SLC12A5: variants seen among roughly 807,000 people sequenced by gnomAD.
The protein encoded by SLC12A5 is K-Cl cotransporter 2.
In SLC12A5, 18 loss-of-function variants were observed where a neutral mutation model predicts 124.0. That is an observed-to-expected ratio of 0.15 (90% confidence interval 0.10 to 0.22). The LOEUF (loss-of-function observed/expected upper bound fraction) is 0.22, where lower values mean the gene tolerates loss of function less well. SLC12A5 is among the 10% of genes least tolerant of loss of function. SLC12A5 has a pLI of 1.00. For synonymous variants in SLC12A5, 589 were observed against 568.0 expected, an observed-to-expected ratio of 1.04 and a Z score of -0.53; for missense variants, 867 against 1,478.7, an observed-to-expected ratio of 0.59 and a Z score of 6.78.
At chr20:46,039,604 G>A (rs1291428140) in intron 6 of SLC12A5, among the ~76,000 whole-genome samples, 1 of 151,944 alleles carries the variant, frequency 6.6e-6, no homozygotes, top group East Asian at 1.9e-4. Flanking sequence ...GTGAAACCCC[G>A]TCTCTACTAA....
intron 13 of SLC12A5, 50 bp downstream of exon 13, chr20:46,046,046 T>A: frequency 6.4e-7 from 1 of 1,552,170 alleles, no homozygotes; most frequent in Non-Finnish European, 8.9e-7. Flanking sequence ...TGTTTCTCTA[T>A]CTGAATCCTG....
chr20:46,037,168 C>A, intron 5 of SLC12A5, 87 bp from the exon 6 acceptor site: 1 of 1,501,450 alleles, frequency 6.7e-7, no homozygotes. Context: ...GAGCAACCCC[C>A]TTCTGCCTCT....
upstream of SLC12A5, among the ~76,000 whole-genome samples, chr20:46,028,181 C>A (rs2084415035): frequency 6.6e-6 from 1 of 152,176 alleles, no homozygotes; most frequent in African/African-American, 2.4e-5. Flanking sequence ...CATGTCGGCT[C>A]TGGAAGCCTC....
chr20:46,030,962 G>A (rs1293600497), intron 1 of SLC12A5, among the ~76,000 whole-genome samples: 1 of 152,154 alleles, frequency 6.6e-6, no homozygotes, highest in African/African-American at 2.4e-5. Context: ...CTTCTGGCCG[G>A]AGGGGGAGGG....
At chr20:46,023,558 G>A (rs1174217862) in exon 3 of SLC12A5, 4 of 397,948 alleles carry the variant, frequency 1.0e-5, no homozygotes, top group Non-Finnish European at 1.8e-5. Flanking sequence ...CCCATCACTT[G>A]CAAAATAAAG....
chr20:46,035,695 G>A, intron 3 of SLC12A5, 82 bp from the exon 4 acceptor site: 1 of 1,532,516 alleles, frequency 6.5e-7, no homozygotes, highest in Non-Finnish European at 8.8e-7. Context: ...GAAGGTGGGG[G>A]CAGAGAAACA....
intron 11 of SLC12A5, 31 bp from the exon 12 acceptor site, chr20:46,044,935 C>T (rs1188124355): frequency 6.2e-7 from 1 of 1,613,694 alleles, no homozygotes; most frequent in Non-Finnish European, 8.5e-7. Flanking sequence ...CAGCACTGCT[C>T]ACCTGGCATC....
rs1347430075 is a variant in SLC12A5, at chr20:46,037,484, C to T, written c.612+99C>T. 5.9e-6 allele frequency: 8 copies of T among 1,348,096 alleles called. No individual in the cohort carries two copies. In the East Asian group the frequency reaches 1.9e-4, roughly 32 times the overall value. The allele number at this position is 1,348,096 out of a possible 1,614,324, so 83.5% of individuals were successfully genotyped here. On this transcript the variant is annotated intron_variant, in intron 6 of 25. Coordinates refer to ENST00000243964, the MANE Select transcript of SLC12A5 (RefSeq NM_020708.5). ...TATAGGCCAGGCCATTCAGTGAGGC[C>T]AAAAATGTGGTTCAGTAAGGCCAAA...
intron 17 of SLC12A5, among the ~76,000 whole-genome samples, chr20:46,050,071 A>G (rs189609506): frequency 6.6e-6 from 1 of 152,358 alleles, no homozygotes; most frequent in Admixed American, 6.5e-5. Flanking sequence ...GAAAATGAAG[A>G]TTCAAATTAG....
In SLC12A5 at chr20:46,056,036, T is replaced by A; in HGVS notation, c.2788-114T>A. The stretch of plus-strand genomic sequence containing the variant: ...CAAATCATAGCAATATTTTAACAAC[T>A]GGTACAGTTCCAGAAAGTGCATCCT... On this transcript the variant is annotated intron_variant, in intron 21 of 25. Coordinates refer to ENST00000243964, the MANE Select transcript of SLC12A5 (RefSeq NM_020708.5). This position sits in a 1 kb window ranked among gnomAD's most constrained non-coding sequence, Gnocchi z 4.3. 1 of 1,428,812 alleles carries A rather than the reference T, an allele frequency of 7.0e-7. No homozygotes were observed. Among genetic ancestry groups the A allele is most frequent in the Non-Finnish European group, 9.5e-7 (1 of 1,055,136 alleles). 88.5% of individuals were successfully genotyped at this position (1,428,812 alleles called of 1,614,324 possible). A position where few individuals can be genotyped will look rare whatever the true frequency, so the allele number is the denominator to read the frequency against.
rs759679383 is a variant in SLC12A5, at chr20:46,053,728, C to A, written c.2679+19C>A. 17 of 1,550,440 alleles carry A rather than the reference C, an allele frequency of 1.1e-5. 1 individual carries two copies. The South Asian group carries it at 1.8e-4, about 17-fold the overall frequency. ...GGAGATGGTGAGTCCCCAGGAGACA[C>A]CGCTGGGGTTCCACCTGGCCCTCTT... is the stretch of plus-strand genomic sequence containing the variant. On this transcript the variant is annotated intron_variant, in intron 20 of 25. Transcript: ENST00000243964. This position sits in a 1 kb window ranked among gnomAD's most constrained non-coding sequence, Gnocchi z 4.7.
At position 46,035,553 on chromosome 20, in the gene SLC12A5, T is replaced by A. The variant is rs755778796; in HGVS notation, c.279+18T>A. The A allele has an allele frequency of 6.4e-7, 1 of 1,550,686 alleles. No homozygotes were observed. The highest frequency in any genetic ancestry group is 8.7e-7 in the Non-Finnish European group (1 of 1,146,714). The stretch of plus-strand genomic sequence containing the variant: ...CGGTGCAGGTGAGGACCTCGGGGGA[T>A]GAGAAATGGAAGAAAAGGGACGGAT... On this transcript the variant is annotated intron_variant, in intron 3 of 25. Coordinates refer to ENST00000243964, the MANE Select transcript of SLC12A5 (RefSeq NM_020708.5).
At position 46,056,463 on chromosome 20, in the gene SLC12A5, G is replaced by C. The variant is rs779047599; in HGVS notation, c.3009G>C (p.Lys1003Asn). The C allele has an allele frequency of 6.2e-7, 1 of 1,614,064 alleles. No individual in the cohort carries two copies. Among genetic ancestry groups the C allele is most frequent in the Non-Finnish European group, 8.5e-7 (1 of 1,180,020 alleles). The change falls in exon 23 of 26, where the codon AAG (lysine) becomes AAC (asparagine). Residue 1003 changes from lysine (K) to asparagine (N), a missense_variant. Physicochemically the swap from Lys to Asn is moderately conservative, Grantham distance 94. Around this residue, in one of 9 missense-constraint regions of SLC12A5, gnomAD observed 180 missense variants for 243.6 expected, o/e 0.74. Transcript: ENST00000243964. The surrounding 1 kb of genome is among the most constrained non-coding windows in gnomAD (Gnocchi z 4.3). ...GGGAAGGGGAGACAGATCCGGAGAA[G>C]GTGCATCTCACCTGGACCAAGGACA... ...PEGEGETDPEKVHLTWTKDKS... is the reference protein window; with the variant it reads ...PEGEGETDPENVHLTWTKDKS...
At chr20:46,054,840 C>T in intron 20 of SLC12A5, 76 bp from the exon 21 acceptor site, 1 of 1,054,444 alleles carries the variant, frequency 9.5e-7, no homozygotes, top group Non-Finnish European at 1.5e-6. Flanking sequence ...CTTGGCCTTT[C>T]ACCTGGGCTC....
At position 46,022,129 on chromosome 20, in the gene SLC12A5, C is replaced by T. The variant is rs557145210; in HGVS notation, c.48+243C>T. Reference sequence around the variant, plus strand: ...GTGGCCACGAGGGAAAGGGGTGGGGCCAGGGAAGGGGTTTGGACGGAGGCG... The same window carrying T: ...GTGGCCACGAGGGAAAGGGGTGGGGTCAGGGAAGGGGTTTGGACGGAGGCG... On this transcript the variant is annotated intron_variant, in intron 1 of 2. Coordinates refer to the SLC12A5 transcript ENST00000413737. 545 of 416,680 alleles carry T rather than the reference C, an allele frequency of 1.3e-3. 4 individuals are homozygous for T. Among genetic ancestry groups the T allele is most frequent in the African/African-American group, 0.012 (510 of 43,994 alleles). 25.8% of individuals were successfully genotyped at this position (416,680 alleles called of 1,614,324 possible). A position where few individuals can be genotyped will look rare whatever the true frequency, so the allele number is the denominator to read the frequency against.
At chr20:46,046,687 A>G (rs1048276125) in intron 14 of SLC12A5, among the ~76,000 whole-genome samples, 2 of 152,224 alleles carry the variant, frequency 1.3e-5, no homozygotes, top group African/African-American at 2.4e-5. Flanking sequence ...GTGATGCCCA[A>G]TAGCTCACAA....
chr20:46,031,868 C>T (rs2084453918), intron 1 of SLC12A5, among the ~76,000 whole-genome samples: 1 of 152,230 alleles, frequency 6.6e-6, no homozygotes, highest in Non-Finnish European at 1.5e-5. Flanking sequence ...CACCCTTACT[C>T]CTTGGCTCCG....
chr20:46,045,213 C>T lies in SLC12A5; in HGVS notation c.1569+73C>T. 1.3e-6 allele frequency: 2 copies of T among 1,486,304 alleles called. No homozygotes were observed. The highest frequency in any genetic ancestry group is 8.9e-7 in the Non-Finnish European group (1 of 1,118,690). The allele number at this position is 1,486,304 out of a possible 1,614,324, so 92.1% of individuals were successfully genotyped here. On this transcript the variant is annotated intron_variant, in intron 12 of 25. Coordinates refer to ENST00000243964, the MANE Select transcript of SLC12A5 (RefSeq NM_020708.5). The surrounding 1 kb of genome is among the most constrained non-coding windows in gnomAD (Gnocchi z 4.9). ...CCTGCCCAGAGAGACCACACAGTGA[C>T]CCAGGGCCATAACCAGCCTTAGACT...
rs1378752062 is a variant in SLC12A5, at chr20:46,029,321, C to A, written c.-24C>A. 1 of 1,535,586 alleles carries A rather than the reference C, an allele frequency of 6.5e-7. No homozygotes were observed. On this transcript the variant is annotated 5_prime_UTR_variant, in exon 1 of 26. Transcript: ENST00000243964. Reference sequence around the variant, plus strand: ...GCGGGCGAGGCGGCGCAGCCATCCCCGGACCAGGGGCCGCGCCGCCACCAT... The same window carrying A: ...GCGGGCGAGGCGGCGCAGCCATCCCAGGACCAGGGGCCGCGCCGCCACCAT...
Sources: allele counts gnomAD v4.1 joint callset (sites outside exome capture counted in the v4.1 genomes callset), GRCh38; gene constraint gnomAD v4.1.1; regional missense constraint gnomAD v4.1.1; non-coding constraint Gnocchi (gnomAD v3.1); transcripts MANE v1.5; gene names NCBI Gene and HGNC (gene_info 2026-07-23, HGNC 2026-07-21).